PCNX2: variants seen among roughly 807,000 people sequenced by gnomAD.
PCNX2 encodes pecanex 2.
A neutral mutation model predicts 223.8 loss-of-function variants in PCNX2; 168 were observed. The observed-to-expected ratio is 0.75, with a 90% confidence interval of 0.66 to 0.85. The LOEUF (loss-of-function observed/expected upper bound fraction) is 0.85, where lower values mean the gene tolerates loss of function less well. Ranked by LOEUF, PCNX2 falls within the 40% of genes least tolerant of loss-of-function variation. PCNX2 has a pLI of 0.00. For missense variants in PCNX2, 2,507 were observed against 2,675.5 expected (o/e 0.94, Z 1.39); for synonymous variants, 1,006 against 1,052.6 (o/e 0.96, Z 0.86).
In PCNX2 at chr1:233,253,402, T is replaced by C. The variant is rs764906712; in HGVS notation, c.1835-614A>G. On this transcript the variant is annotated intron_variant, in intron 5 of 33. Transcript: ENST00000258229. This position sits in a 1 kb window ranked among gnomAD's most constrained non-coding sequence, Gnocchi z 4.2. ...CTGGAGGCTGGAGGCTGGAGTGCAA[T>C]GGTGGAGTCATAGCACGCTGCAGCT... Among the ~76,000 whole-genome samples the C allele has an allele frequency of 6.6e-6, 1 of 152,152 alleles. No homozygotes were observed. Among genetic ancestry groups the C allele is most frequent in the Non-Finnish European group, 1.5e-5 (1 of 68,032 alleles).
chr1:233,211,894 G>C lies in PCNX2; in HGVS notation c.2692-3205C>G, dbSNP rs1004208752. The C allele has an allele frequency of 7.3e-6, 6 of 826,852 alleles. No individual in the cohort carries two copies. In the African/African-American group the frequency reaches 1.1e-4, roughly 15 times the overall value. The allele number at this position is 826,852 out of a possible 1,614,324, so 51.2% of individuals were successfully genotyped here. A position where few individuals can be genotyped will look rare whatever the true frequency, so the allele number is the denominator to read the frequency against. On this transcript the variant is annotated intron_variant, in intron 12 of 33. Transcript: ENST00000258229. ...CAGTTTTTTCAAAGGACTCTGGGCA[G>C]AGAAAAGGGCTCCTAACTTGCGGAA...
chr1:233,154,150 C>T (rs978016021), intron 19 of PCNX2, among the ~76,000 whole-genome samples: 1 of 151,998 alleles, frequency 6.6e-6, no homozygotes, highest in Non-Finnish European at 1.5e-5. Context: ...GTGGTCTCGG[C>T]TCACTGCAAC....
chr1:232,984,134 T>A lies in PCNX2; in HGVS notation c.*170A>T. 5 of 166,012 alleles carry A rather than the reference T, an allele frequency of 3.0e-5. No individual in the cohort carries two copies. The highest frequency in any genetic ancestry group is 2.2e-4 in the South Asian group (1 of 4,528). The allele number at this position is 166,012 out of a possible 1,614,324, so 10.3% of individuals were successfully genotyped here. ...TTTTTTTTTTTTTTTTTTTTTTTTTTTCAAAAACCTGAGATCAGTTCTGTG... is the reference window on the plus strand; with the variant it reads ...TTTTTTTTTTTTTTTTTTTTTTTTTATCAAAAACCTGAGATCAGTTCTGTG... On this transcript the variant is annotated 3_prime_UTR_variant, in exon 34 of 34. Coordinates refer to ENST00000258229, the MANE Select transcript of PCNX2 (RefSeq NM_014801.4).
rs150797179 is a variant in PCNX2 at position 233,134,311 on chromosome 1, A to C, written c.3837+702T>G. Reference sequence around the variant, plus strand: ...TACAGTGATCAGGCTAGATATGGTCATGGAGAACTCCCAAGTATCCAGAGG... The same window carrying C: ...TACAGTGATCAGGCTAGATATGGTCCTGGAGAACTCCCAAGTATCCAGAGG... On this transcript the variant is annotated intron_variant, in intron 21 of 33. Coordinates refer to ENST00000258229, the MANE Select transcript of PCNX2 (RefSeq NM_014801.4). Among the ~76,000 whole-genome samples, 703 of 152,318 alleles carry C rather than the reference A, an allele frequency of 4.6e-3. 2 individuals carry two copies. The highest frequency in any genetic ancestry group is 6.9e-3 in the Non-Finnish European group (469 of 68,030).
chr1:233,322,506 A>C, the PCNX2 span, among the ~76,000 whole-genome samples: 1 of 152,022 alleles, frequency 6.6e-6, no homozygotes, highest in Non-Finnish European at 1.5e-5. Context: ...AGAGAATCAC[A>C]CTGGTCGGTG....
At chr1:233,309,316 T>G in the PCNX2 span, among the ~76,000 whole-genome samples, 1 of 151,748 alleles carries the variant, frequency 6.6e-6, no homozygotes, top group African/African-American at 2.4e-5. Context: ...CCAAGGTAGG[T>G]GGATCATTTG....
chr1:232,999,420 T>C (rs1212407596), intron 30 of PCNX2, 41 bp from the exon 31 acceptor site: 2 of 1,529,726 alleles, frequency 1.3e-6, no homozygotes, highest in Non-Finnish European at 1.8e-6. Context: ...GCAGAAGGCC[T>C]GTGTTTTCCA....
intron 25 of PCNX2, among the ~76,000 whole-genome samples, chr1:233,044,115 C>T (rs1198446639): frequency 7.9e-5 from 12 of 151,950 alleles, no homozygotes; most frequent in Non-Finnish European, 1.2e-4. Context: ...TGGTGTGAGA[C>T]GGTATCTCAT....
At chr1:233,136,685 G>A (rs574018860) in intron 20 of PCNX2, among the ~76,000 whole-genome samples, 7 of 152,236 alleles carry the variant, frequency 4.6e-5, no homozygotes, top group East Asian at 1.9e-4. Context: ...TTTCCAGTGC[G>A]CAACTAATGC....
In PCNX2 at chr1:233,222,746, G is replaced by A. The variant is rs763013013; in HGVS notation, c.2504+4480C>T. ...GTGAAAGGAAAGACGACTCAAGGAC[G>A]ACTCCAAGATATTTAAGCAGAGAAA... On this transcript the variant is annotated intron_variant, in intron 10 of 33. Transcript: ENST00000258229. Among the ~76,000 whole-genome samples, 20 of 152,240 alleles carry A rather than the reference G, an allele frequency of 1.3e-4. No individual in the cohort carries two copies. In the South Asian group the frequency reaches 3.3e-3, roughly 25 times the overall value.
At chr1:233,159,488 G>C (rs991252508) in intron 19 of PCNX2, among the ~76,000 whole-genome samples, 1 of 152,108 alleles carries the variant, frequency 6.6e-6, no homozygotes, top group African/African-American at 2.4e-5. Flanking sequence ...TAACAACTGA[G>C]AAGTTACAAT....
intron 21 of PCNX2, among the ~76,000 whole-genome samples, chr1:233,103,904 T>A (rs1179444332): frequency 2.0e-5 from 3 of 152,154 alleles, no homozygotes; most frequent in Non-Finnish European, 4.4e-5. Flanking sequence ...CCACCAATAA[T>A]GCAAGAGGGT....
In PCNX2 at chr1:233,000,422, G is replaced by T; in HGVS notation, c.5211C>A (p.Gly1737=). 1.2e-6 allele frequency: 2 copies of T among 1,603,696 alleles called. No individual in the cohort carries two copies. The highest frequency in any genetic ancestry group is 1.7e-6 in the Non-Finnish European group (2 of 1,173,688). Residue 1737 remains glycine (G), a synonymous_variant, in exon 30 of 34, where the codon GGC becomes GGA. Coordinates refer to ENST00000258229, the MANE Select transcript of PCNX2 (RefSeq NM_014801.4). The surrounding 1 kb of genome is among the most constrained non-coding windows in gnomAD (Gnocchi z 4.6). ...ICHEGDPAWR[G]AVLSNKEELL... is the part of the protein sequence containing the mutation. ...GCTCTTCCTTGTTGGACAGCACTGC[G>T]CCCCGCCAGGCCGGGTCGCCCTCGT...
intron 21 of PCNX2, among the ~76,000 whole-genome samples, chr1:233,112,333 A>AGATT (rs1463733639): frequency 2.6e-5 from 4 of 152,196 alleles, no homozygotes; most frequent in Admixed American, 6.5e-5. Context: ...GCGCTTCACC[A>AGATT]GATTGAGTTC....
At chr1:233,045,357 T>A (rs554705161) in intron 25 of PCNX2, among the ~76,000 whole-genome samples, 1 of 152,332 alleles carries the variant, frequency 6.6e-6, no homozygotes, top group East Asian at 1.9e-4. Flanking sequence ...TTGAAAGCAA[T>A]GTGCTAGGAA....
rs142816915 is a variant in PCNX2 at position 233,242,291 on chromosome 1, T to A, written c.2223-5311A>T. Reference sequence around the variant, plus strand: ...ATAAATATTTATATTACCATCCTACTCTTATTTTTTAAATAAAAACAAGTT... The same window carrying A: ...ATAAATATTTATATTACCATCCTACACTTATTTTTTAAATAAAAACAAGTT... On this transcript the variant is annotated intron_variant, in intron 8 of 33. Transcript: ENST00000258229. 1.7e-3 allele frequency among the ~76,000 whole-genome samples: 253 copies of A among 152,336 alleles called. 1 individual carries two copies. Among genetic ancestry groups the A allele is most frequent in the African/African-American group, 5.6e-3 (233 of 41,588 alleles).
intron 21 of PCNX2, among the ~76,000 whole-genome samples, chr1:233,122,843 G>T (rs1398607083): frequency 6.6e-6 from 1 of 152,092 alleles, no homozygotes; most frequent in Non-Finnish European, 1.5e-5. Flanking sequence ...GATATAATGT[G>T]ATGAGAATGA....
At chr1:233,130,456 C>T (rs1676410395) in intron 21 of PCNX2, among the ~76,000 whole-genome samples, 1 of 139,928 alleles carries the variant, frequency 7.1e-6, no homozygotes, top group Non-Finnish European at 1.5e-5. Context: ...TATTTCTGCC[C>T]CCCAACTTTT....
At chr1:233,186,068 G>A (rs1680078752) in intron 15 of PCNX2, among the ~76,000 whole-genome samples, 1 of 152,182 alleles carries the variant, frequency 6.6e-6, no homozygotes, top group African/African-American at 2.4e-5. Context: ...TTTCTCCTTA[G>A]AAGTTTTAGA....
Sources: allele counts gnomAD v4.1 joint callset (sites outside exome capture counted in the v4.1 genomes callset), GRCh38; gene constraint gnomAD v4.1.1; non-coding constraint Gnocchi (gnomAD v3.1); transcripts MANE v1.5; gene names NCBI Gene and HGNC (gene_info 2026-07-23, HGNC 2026-07-21).